INPP4B: variants seen among roughly 807,000 people sequenced by gnomAD.
INPP4B encodes inositol polyphosphate-4-phosphatase type II B.
INPP4B carries 55 observed loss-of-function variants against 122.5 expected under a neutral mutation model. The observed-to-expected ratio is 0.45, with a 90% confidence interval of 0.36 to 0.56. The LOEUF (loss-of-function observed/expected upper bound fraction) is 0.56, where lower values mean the gene tolerates loss of function less well. INPP4B is among the 20% of genes least tolerant of loss of function. The probability of loss-of-function intolerance (pLI) is 0.00; values close to 1 mark genes in which losing one functional copy is unlikely to be tolerated. For synonymous variants in INPP4B, 403 were observed against 388.7 expected, an observed-to-expected ratio of 1.04 and a Z score of -0.43; for missense variants, 1,000 against 1,097.7, an observed-to-expected ratio of 0.91 and a Z score of 1.26.
At chr4:142,231,724 T>C (rs966979069) in intron 12 of INPP4B, among the ~76,000 whole-genome samples, 1 of 152,162 alleles carries the variant, frequency 6.6e-6, no homozygotes, top group African/African-American at 2.4e-5. Context: ...GAGACCGTTA[T>C]GTAAGAAAAT....
chr4:142,365,600 G>A (rs980235814), intron 7 of INPP4B, among the ~76,000 whole-genome samples: 1 of 152,084 alleles, frequency 6.6e-6, no homozygotes, highest in Non-Finnish European at 1.5e-5. Context: ...CAGACATGTG[G>A]CTACATCAAT....
intron 25 of INPP4B, among the ~76,000 whole-genome samples, chr4:142,078,184 G>GAA (rs3836669): frequency 1.3e-5 from 2 of 151,692 alleles, no homozygotes; most frequent in Non-Finnish European, 2.9e-5. Flanking sequence ...TGGATAAGTA[G>GAA]AAAAAAAGGA....
intron 2 of INPP4B, among the ~76,000 whole-genome samples, chr4:142,549,024 T>A (rs1727348911): frequency 6.6e-6 from 1 of 152,062 alleles, no homozygotes; most frequent in African/African-American, 2.4e-5. Flanking sequence ...ACCTGAGAGC[T>A]TGTCCAGCAT....
rs1773093249 is a variant in INPP4B, at chr4:142,771,685, G to A, written c.-253-45784C>T. Among the ~76,000 whole-genome samples the A allele has an allele frequency of 1.3e-5, 2 of 152,192 alleles. 1 individual carries two copies. On this transcript the variant is annotated intron_variant, in intron 1 of 25. Transcript: ENST00000262992. ...TGCAGTGCTATAAATGGTTGTACCT[G>A]AAAACCATTTGTCTTGGTCACAAGA...
At chr4:142,254,055 C>T (rs1049972367) in intron 11 of INPP4B, among the ~76,000 whole-genome samples, 13 of 152,128 alleles carry the variant, frequency 8.5e-5, no homozygotes, top group Non-Finnish European at 1.8e-4. Context: ...CCCCTGACCC[C>T]CGAGCAGCCT....
intron 1 of INPP4B, among the ~76,000 whole-genome samples, chr4:142,830,535 T>C: frequency 6.6e-6 from 1 of 152,050 alleles, no homozygotes; most frequent in Non-Finnish European, 1.5e-5. Context: ...CTTAATCTTT[T>C]AATGTGTGGA....
intron 11 of INPP4B, among the ~76,000 whole-genome samples, chr4:142,257,307 C>T (rs1212395021): frequency 6.6e-6 from 1 of 152,130 alleles, no homozygotes; most frequent in Non-Finnish European, 1.5e-5. Context: ...AGACGGGATG[C>T]CCTCTCTCAC....
At chr4:142,122,954 C>A (rs1797172533) in intron 20 of INPP4B, among the ~76,000 whole-genome samples, 1 of 151,956 alleles carries the variant, frequency 6.6e-6, no homozygotes, top group Non-Finnish European at 1.5e-5. Context: ...AAAAGTCACA[C>A]AAGGCTACTA....
chr4:142,140,768 ACTTGAAT>A (rs1270660704), intron 18 of INPP4B, among the ~76,000 whole-genome samples: 1 of 152,186 alleles, frequency 6.6e-6, no homozygotes, highest in African/African-American at 2.4e-5. Context: ...CTTAAATGTT[ACTTGAAT>A]CTTTAGAAGC....
At chr4:142,063,299 C>A (rs1761942491) in intron 25 of INPP4B, among the ~76,000 whole-genome samples, 1 of 152,126 alleles carries the variant, frequency 6.6e-6, no homozygotes, top group Admixed American at 6.6e-5. Context: ...ACTGAAGACC[C>A]ATACTATCCA....
intron 2 of INPP4B, among the ~76,000 whole-genome samples, chr4:142,594,313 T>C (rs1738201767): frequency 6.6e-6 from 1 of 152,208 alleles, no homozygotes. Context: ...AACATTTTTA[T>C]AGTGCTTGAT....
At position 142,542,821 on chromosome 4, in the gene INPP4B, G is replaced by T. The variant is rs375647218; in HGVS notation, c.-190-80095C>A. The stretch of plus-strand genomic sequence containing the variant: ...TCTCCTAATACTCATAACTCAGTAA[G>T]ATTAAATAAGATGCTACATATACCA... On this transcript the variant is annotated intron_variant, in intron 2 of 25. Coordinates refer to ENST00000262992, the MANE Select transcript of INPP4B (RefSeq NM_001101669.3). Among the ~76,000 whole-genome samples the T allele has an allele frequency of 3.3e-5, 5 of 152,166 alleles. No homozygotes were observed. The East Asian group carries it at 9.7e-4, about 29-fold the overall frequency.
At chr4:142,534,456 A>C (rs1827956922) in intron 2 of INPP4B, among the ~76,000 whole-genome samples, 1 of 152,064 alleles carries the variant, frequency 6.6e-6, no homozygotes, top group Non-Finnish European at 1.5e-5. Flanking sequence ...TCTGCCATGT[A>C]AGGACACAGA....
chr4:142,642,093 C>G (rs377565172), intron 2 of INPP4B, among the ~76,000 whole-genome samples: 4 of 152,054 alleles, frequency 2.6e-5, no homozygotes, highest in Non-Finnish European at 4.4e-5. Flanking sequence ...TCATATCCTT[C>G]GCCCACTTGT....
chr4:142,414,310 AT>A (rs2149264175), intron 5 of INPP4B, among the ~76,000 whole-genome samples: 1 of 152,242 alleles, frequency 6.6e-6, no homozygotes, highest in South Asian at 2.1e-4. Context: ...TAAAAAAAAA[AT>A]GGATGAGAAG....
At chr4:142,587,546 T>A (rs1384290007) in intron 2 of INPP4B, among the ~76,000 whole-genome samples, 1 of 151,982 alleles carries the variant, frequency 6.6e-6, no homozygotes, top group African/African-American at 2.4e-5. Flanking sequence ...TTAAGAAAAA[T>A]TTTTGTGAGT....
chr4:142,244,457 G>A lies in INPP4B; in HGVS notation c.689-6446C>T, dbSNP rs546924180. Among the ~76,000 whole-genome samples, 10 of 151,646 alleles carry A rather than the reference G, an allele frequency of 6.6e-5. No homozygotes were observed. In the South Asian group the frequency reaches 2.1e-3, roughly 32 times the overall value. ...TGGGACTACAGGCGCCCACCATCAT[G>A]CCCGGCTAATTATATTTTTGTATTT... On this transcript the variant is annotated intron_variant, in intron 11 of 25. Coordinates refer to ENST00000262992, the MANE Select transcript of INPP4B (RefSeq NM_001101669.3).
chr4:142,090,259 C>T (rs915344401), intron 23 of INPP4B, among the ~76,000 whole-genome samples: 5 of 151,298 alleles, frequency 3.3e-5, no homozygotes, highest in Admixed American at 6.7e-5. Context: ...ATTTCCTCTC[C>T]CATGGTGTGC....
chr4:142,070,169 A>C (rs28866862), intron 25 of INPP4B, among the ~76,000 whole-genome samples: 1 of 152,210 alleles, frequency 6.6e-6, no homozygotes, highest in East Asian at 1.9e-4. Context: ...CTGGGATGCA[A>C]GGCTGGTTCA....
Sources: gnomAD v4.1 joint callset for allele counts (sites outside exome capture counted in the v4.1 genomes callset) on GRCh38, gnomAD v4.1.1 for gene constraint, MANE v1.5 for transcripts, NCBI Gene and HGNC (gene_info 2026-07-23, HGNC 2026-07-21) for gene names.